Variants in MERTK observed in about 807,000 individuals in gnomAD.
MERTK encodes the protein MER proto-oncogene, tyrosine kinase.
MERTK carries 69 observed loss-of-function variants against 99.3 expected under a neutral mutation model. The ratio of observed to expected loss-of-function variants is 0.70; its 90% confidence interval spans 0.57 to 0.85. The LOEUF (loss-of-function observed/expected upper bound fraction) is 0.85, where lower values mean the gene tolerates loss of function less well. MERTK is among the 40% of genes least tolerant of loss of function. The probability of loss-of-function intolerance (pLI) is 0.00; values close to 1 mark genes in which losing one functional copy is unlikely to be tolerated. For missense variants in MERTK, 1,125 were observed against 1,249.4 expected (o/e 0.90, Z 1.50); for synonymous variants, 426 against 467.6 (o/e 0.91, Z 1.15).
chr2:111,983,183 A>G (rs1271397267), intron 8 of MERTK, among the ~76,000 whole-genome samples, 190 bp downstream of exon 8: 1 of 152,236 alleles, frequency 6.6e-6, no homozygotes, highest in African/African-American at 2.4e-5. Context: ...ATTCTAAGGT[A>G]TCTTTTGGGA....
chr2:111,937,195 C>T (rs34067354), intron 2 of MERTK, among the ~76,000 whole-genome samples: 7 of 151,640 alleles, frequency 4.6e-5, no homozygotes, highest in Admixed American at 3.3e-4. Flanking sequence ...CTGTAATCCC[C>T]GCACTTTGGG....
chr2:112,026,804 T>G (rs1344065092), intron 18 of MERTK, among the ~76,000 whole-genome samples: 1 of 152,200 alleles, frequency 6.6e-6, no homozygotes, highest in African/African-American at 2.4e-5. Context: ...CTGCATGTTG[T>G]GTGTGAAGTA....
chr2:111,915,010 T>G (rs1684324513), intron 1 of MERTK, among the ~76,000 whole-genome samples: 1 of 152,196 alleles, frequency 6.6e-6, no homozygotes, highest in Admixed American at 6.5e-5. Context: ...AATGAAACCA[T>G]CTGGGCCTGG....
chr2:111,914,345 AC>A (rs1348735260), intron 1 of MERTK, among the ~76,000 whole-genome samples: 1 of 151,870 alleles, frequency 6.6e-6, no homozygotes, highest in Non-Finnish European at 1.5e-5. Flanking sequence ...TGGTGCAATC[AC>A]GGCTCACTGC....
chr2:111,951,297 A>G (rs1254957402), intron 4 of MERTK, among the ~76,000 whole-genome samples: 3 of 151,560 alleles, frequency 2.0e-5, no homozygotes, highest in African/African-American at 4.8e-5. Flanking sequence ...AAAACTTTCT[A>G]CCTTTTGACC....
At chr2:111,990,061 A>T (rs1676583590) in intron 8 of MERTK, among the ~76,000 whole-genome samples, 1 of 152,168 alleles carries the variant, frequency 6.6e-6, no homozygotes, top group Non-Finnish European at 1.5e-5. Flanking sequence ...ACAGCACCAG[A>T]GATAATACAC....
intron 15 of MERTK, chr2:112,013,517 C>G (rs1677151960): frequency 6.5e-6 from 1 of 154,324 alleles, no homozygotes. Context: ...ATGACAGTGG[C>G]TAACCTTTCT....
At chr2:111,902,834 A>G (rs935684688) in intron 1 of MERTK, among the ~76,000 whole-genome samples, 3 of 130,034 alleles carry the variant, frequency 2.3e-5, no homozygotes, top group African/African-American at 8.6e-5. Context: ...AGAGTCTTGC[A>G]ATGGCAAATT....
At chr2:111,975,623 A>C in intron 7 of MERTK, 151 bp downstream of exon 7, 1 of 859,440 alleles carries the variant, frequency 1.2e-6, no homozygotes, top group Non-Finnish European at 1.9e-6. Context: ...GAAAATGGGA[A>C]AGATATTTCC....
At chr2:111,956,494 C>T (rs1443262030) in intron 4 of MERTK, among the ~76,000 whole-genome samples, 3 of 152,124 alleles carry the variant, frequency 2.0e-5, no homozygotes, top group African/African-American at 7.2e-5. Context: ...TAGGAAACAG[C>T]TAAGCTAGCT....
chr2:111,909,562 T>G (rs1353028521), intron 1 of MERTK, among the ~76,000 whole-genome samples: 1 of 152,178 alleles, frequency 6.6e-6, no homozygotes, highest in Non-Finnish European at 1.5e-5. Flanking sequence ...TTAGATTAAG[T>G]ACATTTACTG....
intron 1 of MERTK, among the ~76,000 whole-genome samples, chr2:111,914,132 G>GTC (rs1205118835): frequency 9.1e-6 from 1 of 110,056 alleles, no homozygotes; most frequent in Non-Finnish European, 1.7e-5. Context: ...TTGAGATGGA[G>GTC]TCTCCTCTGT....
chr2:111,980,412 CTTTTTTT>C (rs34831521), intron 7 of MERTK, among the ~76,000 whole-genome samples: 35 of 100,978 alleles, frequency 3.5e-4, no homozygotes, highest in South Asian at 7.9e-4. Context: ...GCAACTATTT[CTTTTTTT>C]TTTTTTTTTT....
At position 111,957,220 on chromosome 2, in the gene MERTK, G is replaced by A. The variant is rs895547334; in HGVS notation, c.758-7971G>A. On this transcript the variant is annotated intron_variant, in intron 4 of 18. Coordinates refer to ENST00000295408, the MANE Select transcript of MERTK (RefSeq NM_006343.3). Reference sequence around the variant, plus strand: ...ACAGGTGTGAGCCACTGCGCCCGGCGAGACCTGCCTTCTTAAGGTCTATTC... The same window carrying A: ...ACAGGTGTGAGCCACTGCGCCCGGCAAGACCTGCCTTCTTAAGGTCTATTC... Among the ~76,000 whole-genome samples, 5 of 152,142 alleles carry A rather than the reference G, an allele frequency of 3.3e-5. No homozygotes were observed. In the East Asian group the frequency reaches 7.7e-4, roughly 24 times the overall value.
intron 1 of MERTK, among the ~76,000 whole-genome samples, chr2:111,922,931 C>G (rs527871645): frequency 3.5e-4 from 54 of 152,270 alleles, no homozygotes; most frequent in African/African-American, 1.3e-3. Flanking sequence ...ACTGGCTTGC[C>G]CTAATGAACG....
intron 18 of MERTK, among the ~76,000 whole-genome samples, chr2:112,027,452 A>G (rs1173640973): frequency 6.6e-6 from 1 of 152,120 alleles, no homozygotes. Flanking sequence ...ATCTCAGCCT[A>G]TTGATTCCTA....
chr2:112,003,736 G>A (rs1393241433), intron 12 of MERTK, among the ~76,000 whole-genome samples, 168 bp from the exon 13 acceptor site: 3 of 152,318 alleles, frequency 2.0e-5, no homozygotes, highest in Middle Eastern at 3.4e-3. Context: ...CTAGAGCGTG[G>A]CGCATCACCC....
At chr2:111,967,236 T>A (rs1685374664) in intron 5 of MERTK, among the ~76,000 whole-genome samples, 1 of 152,188 alleles carries the variant, frequency 6.6e-6, no homozygotes, top group East Asian at 1.9e-4. Flanking sequence ...AACCTCTCTG[T>A]GACTTTTGCC....
chr2:111,983,810 G>A (rs1389103215), intron 8 of MERTK, among the ~76,000 whole-genome samples: 1 of 152,208 alleles, frequency 6.6e-6, no homozygotes, highest in Non-Finnish European at 1.5e-5. Flanking sequence ...CCCCAGCATG[G>A]CTCGGGGTTG....
Sources: allele counts gnomAD v4.1 joint callset (sites outside exome capture counted in the v4.1 genomes callset), GRCh38; gene constraint gnomAD v4.1.1; transcripts MANE v1.5; gene names NCBI Gene and HGNC (gene_info 2026-07-23, HGNC 2026-07-21).